Variants in RLIG1 observed in about 807,000 individuals in gnomAD.
RLIG1 encodes RNA ligase 1.
the RLIG1 span, among the ~76,000 whole-genome samples, chr12:88,039,055 GTATGCCAA>G: frequency 1.3e-5 from 2 of 152,136 alleles, no homozygotes; most frequent in African/African-American, 2.4e-5. Context: ...GAGACAAGAA[GTATGCCAA>G]AACGTTCTTT....
At chr12:88,042,287 G>A in the RLIG1 span, 2 of 152,270 alleles carry the variant, frequency 1.3e-5, no homozygotes, top group Admixed American at 6.5e-5. Flanking sequence ...AGGGTTCTCA[G>A]ACCAAGCTAT....
At chr12:88,035,824 TGGGCGCTTTAGA>T in the RLIG1 span, 2 of 1,543,542 alleles carry the variant, frequency 1.3e-6, no homozygotes, top group East Asian at 4.9e-5. Flanking sequence ...CGAGGGCGGC[TGGGCGCTTTAGA>T]ACTGCCCTGC....
chr12:88,046,752 T>C, the RLIG1 span: 1 of 1,480,700 alleles, frequency 6.8e-7, no homozygotes, highest in South Asian at 1.3e-5. Flanking sequence ...GTACGTTTTC[T>C]AGTTCTGAAA....
the RLIG1 span, among the ~76,000 whole-genome samples, chr12:88,036,444 C>T: frequency 6.6e-6 from 1 of 152,196 alleles, no homozygotes; most frequent in Non-Finnish European, 1.5e-5. Context: ...CCAACATGTC[C>T]ATTGGAAATC....
the RLIG1 span, among the ~76,000 whole-genome samples, chr12:88,039,401 A>G: frequency 2.0e-5 from 3 of 152,142 alleles, no homozygotes; most frequent in Non-Finnish European, 4.4e-5. Flanking sequence ...TCTTGGGAAA[A>G]CTGAAAATTA....
At chr12:88,047,196 T>TAA in the RLIG1 span, among the ~76,000 whole-genome samples, 2 of 152,148 alleles carry the variant, frequency 1.3e-5, no homozygotes, top group African/African-American at 4.8e-5. Context: ...GCTTCAGAAT[T>TAA]AAAGTGATAA....
chr12:88,045,692 C>G, the RLIG1 span: 1 of 1,613,206 alleles, frequency 6.2e-7, no homozygotes, highest in Non-Finnish European at 8.5e-7. Context: ...TGATTCTGGA[C>G]TTTTGGAAAT....
chr12:88,043,652 C>A, the RLIG1 span: 4 of 1,612,846 alleles, frequency 2.5e-6, no homozygotes, highest in Non-Finnish European at 3.4e-6. Context: ...GTGCTGGATA[C>A]CAGCAAAGGA....
the RLIG1 span, chr12:88,035,784 C>A: frequency 7.1e-6 from 11 of 1,556,338 alleles, no homozygotes; most frequent in Non-Finnish European, 9.6e-6. Context: ...GTGGGCTCCT[C>A]CCCGCGGCGC....
At chr12:88,037,402 G>GT in the RLIG1 span, among the ~76,000 whole-genome samples, 1 of 152,100 alleles carries the variant, frequency 6.6e-6, no homozygotes, top group South Asian at 2.1e-4. Flanking sequence ...GTACCCCTCA[G>GT]TGTCTCGTGT....
chr12:88,046,663 G>T, the RLIG1 span: 3 of 709,414 alleles, frequency 4.2e-6, no homozygotes, highest in East Asian at 2.8e-5. Flanking sequence ...CCAGTGCACT[G>T]GGTTATATTC....
At chr12:88,036,161 C>G in the RLIG1 span, 3 of 1,115,092 alleles carry the variant, frequency 2.7e-6, no homozygotes, top group Non-Finnish European at 3.6e-6. Flanking sequence ...CTGTTCTGTC[C>G]GAACCAGTGG....
At chr12:88,049,895 T>C in the RLIG1 span, 1 of 159,116 alleles carries the variant, frequency 6.3e-6, no homozygotes. Flanking sequence ...AGGCATCTGG[T>C]GAAGAGACAA....
chr12:88,041,170 G>T, the RLIG1 span, among the ~76,000 whole-genome samples: 2 of 152,070 alleles, frequency 1.3e-5, no homozygotes, highest in Non-Finnish European at 2.9e-5. Context: ...ACTACTCTAG[G>T]TATTTCATAT....
At chr12:88,038,032 T>G in the RLIG1 span, among the ~76,000 whole-genome samples, 1 of 151,634 alleles carries the variant, frequency 6.6e-6, no homozygotes, top group African/African-American at 2.4e-5. Flanking sequence ...GCAAACAAAC[T>G]CAAAGGAAAA....
the RLIG1 span, among the ~76,000 whole-genome samples, chr12:88,037,954 A>G: frequency 1.3e-5 from 2 of 152,202 alleles, no homozygotes; most frequent in Non-Finnish European, 1.5e-5. Flanking sequence ...TAGAAAAACC[A>G]TAAATTAAAT....
the RLIG1 span, chr12:88,044,653 T>A: frequency 6.6e-6 from 1 of 152,130 alleles, no homozygotes; most frequent in Admixed American, 6.5e-5. Context: ...TTGTGGTTAG[T>A]GGAGGCTCCC....
At chr12:88,043,687 A>G in the RLIG1 span, 40 of 1,612,478 alleles carry the variant, frequency 2.5e-5, no homozygotes, top group Non-Finnish European at 3.3e-5. Flanking sequence ...ATGGGAACCC[A>G]GTGCCTGATG....
At chr12:88,042,554 G>T in the RLIG1 span, 1 of 226,424 alleles carries the variant, frequency 4.4e-6, no homozygotes, top group Non-Finnish European at 8.5e-6. Flanking sequence ...GTCCATAAAT[G>T]CTGCTAACTC....
Sources: gnomAD v4.1 joint callset for allele counts (sites outside exome capture counted in the v4.1 genomes callset) on GRCh38, gnomAD v4.1.1 for gene constraint, MANE v1.5 for transcripts, NCBI Gene and HGNC (gene_info 2026-07-23, HGNC 2026-07-21) for gene names.